FMN2: variants seen among roughly 807,000 people sequenced by gnomAD.
FMN2 encodes the protein formin-2.
FMN2 carries 51 observed loss-of-function variants against 142.3 expected under a neutral mutation model. The ratio of observed to expected loss-of-function variants is 0.36; its 90% CI spans 0.29 to 0.45. FMN2 has a LOEUF of 0.45. Ranked by LOEUF, FMN2 falls within the 20% of genes least tolerant of loss-of-function variation. The pLI, the probability that FMN2 is intolerant of heterozygous loss-of-function variation, is 1.00. For synonymous variants in FMN2, 882 were observed against 869.8 expected (o/e 1.01, Z -0.25); for missense variants, 1,936 against 2,122.8 (o/e 0.91, Z 1.73).
At position 240,346,879 on chromosome 1, in the gene FMN2, A is replaced by T. The variant is rs561289481; in HGVS notation, c.4766-8937A>T. On this transcript the variant is annotated intron_variant, in intron 13 of 17. Coordinates refer to ENST00000319653, the MANE Select transcript of FMN2 (RefSeq NM_020066.5). ...AGAACATAAGAAATTTAAAGAACAA[A>T]CTATGTTTAAGACTTTATATATTTG... Among the ~76,000 whole-genome samples the T allele has an allele frequency of 1.2e-3, 189 of 152,276 alleles. 1 individual carries two copies. Among genetic ancestry groups the T allele is most frequent in the African/African-American group, 4.1e-3 (171 of 41,556 alleles).
At chr1:240,264,200 T>C (rs1329341966) in intron 7 of FMN2, among the ~76,000 whole-genome samples, 5 of 152,066 alleles carry the variant, frequency 3.3e-5, no homozygotes, top group African/African-American at 1.2e-4. Flanking sequence ...TGACTTCTCA[T>C]TGGAATCATG....
At chr1:240,143,934 T>G in intron 2 of FMN2, 2 of 1,495,632 alleles carry the variant, frequency 1.3e-6, no homozygotes, top group Non-Finnish European at 1.9e-6. Flanking sequence ...AGCCCAAAGA[T>G]GGAACCAAGT....
At chr1:240,337,203 CTTTTT>C (rs752506621) in intron 13 of FMN2, among the ~76,000 whole-genome samples, 91 of 90,564 alleles carry the variant, frequency 1.0e-3, no homozygotes, top group African/African-American at 3.3e-3. Flanking sequence ...TATTCCTTTT[CTTTTT>C]TTTTTTTTTT....
intron 16 of FMN2, among the ~76,000 whole-genome samples, chr1:240,450,093 AAAATT>A (rs1435942477): frequency 1.3e-5 from 2 of 152,134 alleles, no homozygotes; most frequent in South Asian, 2.1e-4. Flanking sequence ...ATGTCACATC[AAAATT>A]AAATTCTAAA....
intron 13 of FMN2, among the ~76,000 whole-genome samples, chr1:240,351,074 A>G (rs945078551): frequency 1.3e-5 from 2 of 152,192 alleles, no homozygotes; most frequent in Non-Finnish European, 2.9e-5. Flanking sequence ...GAGAGTAGAG[A>G]AGAAATCTAT....
At chr1:240,161,690 A>C (rs1664289419) in intron 2 of FMN2, among the ~76,000 whole-genome samples, 1 of 152,182 alleles carries the variant, frequency 6.6e-6, no homozygotes, top group Non-Finnish European at 1.5e-5. Flanking sequence ...TAGACAGTTA[A>C]TGACTGACAA....
chr1:240,170,022 T>C (rs1180446583), intron 2 of FMN2: 2 of 555,762 alleles, frequency 3.6e-6, no homozygotes, highest in Non-Finnish European at 6.4e-6. Flanking sequence ...TAAACTCAGA[T>C]TAATTCCCAC....
chr1:240,390,337 G>C (rs1399577724), intron 14 of FMN2, among the ~76,000 whole-genome samples: 1 of 152,076 alleles, frequency 6.6e-6, no homozygotes, highest in Non-Finnish European at 1.5e-5. Flanking sequence ...AAGAAGCTTT[G>C]GTTTTATATT....
chr1:240,285,917 C>G (rs1275046250), intron 7 of FMN2, among the ~76,000 whole-genome samples: 1 of 151,784 alleles, frequency 6.6e-6, no homozygotes, highest in Admixed American at 6.6e-5. Context: ...TTCCCCCGCT[C>G]TGGTTTCTAA....
intron 2 of FMN2, among the ~76,000 whole-genome samples, chr1:240,162,324 C>T (rs887748729): frequency 1.1e-4 from 17 of 151,696 alleles, no homozygotes; most frequent in Admixed American, 2.6e-4. Context: ...ATTAGCCGGG[C>T]GTGGTGGCAG....
chr1:240,369,153 C>G (rs1428449194), intron 14 of FMN2, among the ~76,000 whole-genome samples: 1 of 152,158 alleles, frequency 6.6e-6, no homozygotes, highest in Non-Finnish European at 1.5e-5. Context: ...CCCTCCACCT[C>G]CTGCCTTTTC....
chr1:240,419,897 T>C (rs367781562), intron 15 of FMN2, among the ~76,000 whole-genome samples: 2 of 152,112 alleles, frequency 1.3e-5, no homozygotes, highest in Non-Finnish European at 1.5e-5. Flanking sequence ...TCTGTGGTCA[T>C]AGAGGTTGAG....
At chr1:240,116,726 G>A (rs6664852) in intron 1 of FMN2, among the ~76,000 whole-genome samples, 74,628 of 151,394 alleles carry the variant, frequency 0.49, 18,531 homozygotes, top group Middle Eastern at 0.52. Context: ...ACTGCATTCC[G>A]GCCTGGGTGA....
intron 16 of FMN2, among the ~76,000 whole-genome samples, chr1:240,441,410 G>A (rs16840029): frequency 0.061 from 9,300 of 152,140 alleles, 385 homozygotes; most frequent in African/African-American, 0.11. Flanking sequence ...GAAACTTCTT[G>A]TACAGTTACT....
At chr1:240,350,004 T>C (rs1300243971) in intron 13 of FMN2, among the ~76,000 whole-genome samples, 3 of 152,238 alleles carry the variant, frequency 2.0e-5, no homozygotes, top group Middle Eastern at 3.4e-3. Context: ...GGATGATAAG[T>C]AATAGCCAAG....
intron 16 of FMN2, among the ~76,000 whole-genome samples, chr1:240,443,265 A>G (rs1675686986): frequency 6.6e-6 from 1 of 152,260 alleles, no homozygotes; most frequent in Non-Finnish European, 1.5e-5. Context: ...GATACAATAG[A>G]CACAGATCAA....
At chr1:240,261,395 CTT>C in intron 7 of FMN2, among the ~76,000 whole-genome samples, 1 of 141,812 alleles carries the variant, frequency 7.1e-6, no homozygotes, top group African/African-American at 2.6e-5. Context: ...CAAGATTGTG[CTT>C]TTTTTTTTTA....
At chr1:240,236,822 G>A (rs191066666) in intron 6 of FMN2, among the ~76,000 whole-genome samples, 9 of 152,272 alleles carry the variant, frequency 5.9e-5, no homozygotes, top group Admixed American at 1.3e-4. Context: ...TAACAGTGGA[G>A]AATCACATTT....
rs1218016897 is a variant in FMN2, at chr1:240,093,559, G to C, written c.1450G>C (p.Asp484His). Residue 484 changes from aspartate to histidine, a missense_variant, in exon 1 of 18, where the codon GAC (aspartate) becomes CAC (histidine). This residue lies in a region of FMN2 where 751 missense variants were observed against 791.8 expected (regional missense o/e 0.95). Transcript: ENST00000319653. ...TGCGGCCGGCCTGAGCCGCTCGGCT[G>C]ACTGGACGGAGGAGCTAGGCGCCCG... ...GLAAGLSRSA[D>H]WTEELGARTP... The C allele has an allele frequency of 2.7e-6, 4 of 1,502,646 alleles. No homozygotes were observed. Among genetic ancestry groups the C allele is most frequent in the Non-Finnish European group, 2.6e-6 (3 of 1,134,446 alleles). The allele number at this position is 1,502,646 out of a possible 1,614,324, so 93.1% of individuals were successfully genotyped here.
Sources: allele counts gnomAD v4.1 joint callset (sites outside exome capture counted in the v4.1 genomes callset), GRCh38; gene constraint gnomAD v4.1.1; regional missense constraint gnomAD v4.1.1; transcripts MANE v1.5; gene names NCBI Gene and HGNC (gene_info 2026-07-23, HGNC 2026-07-21).